Variants in CPNE4 observed in about 807,000 individuals in gnomAD.
CPNE4 encodes the protein copine-4.
A neutral mutation model predicts 67.9 loss-of-function variants in CPNE4; 25 were observed. The ratio of observed to expected loss-of-function variants is 0.37; its 90% CI spans 0.27 to 0.51. CPNE4 has a LOEUF of 0.51. CPNE4 is among the 20% of genes least tolerant of loss of function. CPNE4 has a pLI of 0.93. For synonymous variants in CPNE4, 242 were observed against 244.9 expected, an observed-to-expected ratio of 0.99 and a Z score of 0.11; for missense variants, 464 against 690.8, an observed-to-expected ratio of 0.67 and a Z score of 3.68.
chr3:131,686,409 C>T (rs2080890899), intron 5 of CPNE4, among the ~76,000 whole-genome samples: 1 of 152,166 alleles, frequency 6.6e-6, no homozygotes, highest in Non-Finnish European at 1.5e-5. Flanking sequence ...TTATCTCTTT[C>T]TTAGTTCCAC....
intron 2 of CPNE4, among the ~76,000 whole-genome samples, chr3:131,764,103 C>T (rs1225589035): frequency 1.3e-5 from 2 of 151,988 alleles, no homozygotes; most frequent in African/African-American, 4.8e-5. Flanking sequence ...AATGTCTGAC[C>T]AGGCATTTGA....
chr3:131,977,420 G>C (rs772720482), intron 1 of CPNE4, among the ~76,000 whole-genome samples: 6 of 152,054 alleles, frequency 3.9e-5, no homozygotes, highest in Admixed American at 3.9e-4. Context: ...AGTAGCACAG[G>C]ATAAGAGACA....
intron 2 of CPNE4, among the ~76,000 whole-genome samples, chr3:131,786,914 T>A (rs1452257350): frequency 6.6e-6 from 1 of 152,190 alleles, no homozygotes; most frequent in Admixed American, 6.6e-5. Flanking sequence ...AATGATGCTA[T>A]CCTTCTACAA....
chr3:131,907,618 C>A (rs866356762), intron 1 of CPNE4, among the ~76,000 whole-genome samples: 1 of 152,012 alleles, frequency 6.6e-6, no homozygotes. Flanking sequence ...CTCCTGCACA[C>A]CAATAGCGTT....
At chr3:131,785,680 TCTC>T (rs1275347939) in intron 2 of CPNE4, among the ~76,000 whole-genome samples, 3 of 146,344 alleles carry the variant, frequency 2.0e-5, no homozygotes, top group African/African-American at 7.4e-5. Context: ...TTTCTCTCTC[TCTC>T]TCTCTCTCTC....
intron 2 of CPNE4, among the ~76,000 whole-genome samples, chr3:131,849,651 AG>A (rs751374754): frequency 6.6e-6 from 1 of 152,132 alleles, no homozygotes; most frequent in Non-Finnish European, 1.5e-5. Flanking sequence ...GTCAATTCTG[AG>A]CCCAAGCCTT....
At chr3:131,803,080 A>G (rs184434366) in intron 2 of CPNE4, among the ~76,000 whole-genome samples, 87 of 152,332 alleles carry the variant, frequency 5.7e-4, no homozygotes, top group South Asian at 1.5e-3. Flanking sequence ...GAAAGGTTAC[A>G]AAAATAAATA....
chr3:131,956,904 T>C (rs921216022), intron 1 of CPNE4, among the ~76,000 whole-genome samples: 3 of 152,346 alleles, frequency 2.0e-5, no homozygotes, highest in African/African-American at 7.2e-5. Context: ...ATATTCTTCA[T>C]TAAATTTGTA....
intron 1 of CPNE4, among the ~76,000 whole-genome samples, chr3:131,926,171 T>G (rs1164591154): frequency 6.6e-6 from 1 of 151,988 alleles, no homozygotes. Flanking sequence ...AAGAGGCAGG[T>G]GTGAGTCAGA....
chr3:131,947,008 G>C (rs2071570295), intron 1 of CPNE4, among the ~76,000 whole-genome samples: 1 of 152,136 alleles, frequency 6.6e-6, no homozygotes, highest in African/African-American at 2.4e-5. Flanking sequence ...GAATCAATTG[G>C]TCATAGAAAG....
chr3:131,887,657 TA>T (rs2087949168), intron 2 of CPNE4, among the ~76,000 whole-genome samples: 1 of 152,228 alleles, frequency 6.6e-6, no homozygotes, highest in Non-Finnish European at 1.5e-5. Context: ...ATGCATTTCC[TA>T]AGTTTAATGT....
At chr3:131,971,504 G>A (rs775286586) in intron 1 of CPNE4, among the ~76,000 whole-genome samples, 3 of 152,090 alleles carry the variant, frequency 2.0e-5, no homozygotes, top group South Asian at 2.1e-4. Flanking sequence ...CAGTCACTAC[G>A]TTAACATTTA....
At chr3:131,573,256 A>G (rs938076868) in intron 10 of CPNE4, among the ~76,000 whole-genome samples, 1 of 152,056 alleles carries the variant, frequency 6.6e-6, no homozygotes, top group Non-Finnish European at 1.5e-5. Flanking sequence ...TCCTTGCTCC[A>G]GACTGCTCTC....
intron 7 of CPNE4, among the ~76,000 whole-genome samples, chr3:131,608,271 A>T (rs2107736366): frequency 6.6e-6 from 1 of 152,296 alleles, no homozygotes; most frequent in African/African-American, 2.4e-5. Context: ...AGTCAGTTCA[A>T]ATAAACCAAC....
chr3:131,552,319 AG>A, intron 13 of CPNE4, 120 bp downstream of exon 13: 1 of 830,124 alleles, frequency 1.2e-6, no homozygotes, highest in Non-Finnish European at 2.0e-6. Flanking sequence ...ATGTTGATAC[AG>A]AAAGCAGAGA....
intron 14 of CPNE4, 37 bp from the exon 15 acceptor site, chr3:131,542,830 A>G (rs1406530721): frequency 2.4e-5 from 35 of 1,437,722 alleles, no homozygotes; most frequent in Non-Finnish European, 3.0e-5. Flanking sequence ...GGGGGGGGTG[A>G]AGAGGTGAGG....
At chr3:131,651,071 G>C (rs559920823) in intron 7 of CPNE4, among the ~76,000 whole-genome samples, 8 of 152,090 alleles carry the variant, frequency 5.3e-5, no homozygotes, top group Non-Finnish European at 8.8e-5. Context: ...AAAATGTTGA[G>C]GAAAGCATTA....
chr3:131,553,654 A>G (rs1163729630), intron 12 of CPNE4, among the ~76,000 whole-genome samples: 1 of 152,062 alleles, frequency 6.6e-6, no homozygotes, highest in Non-Finnish European at 1.5e-5. Flanking sequence ...CCCAACCTCT[A>G]TTGTGGTTTC....
chr3:131,743,612 A>G (rs1037459199), intron 2 of CPNE4, among the ~76,000 whole-genome samples: 2 of 152,208 alleles, frequency 1.3e-5, no homozygotes, highest in Admixed American at 1.3e-4. Context: ...AAATATCAGG[A>G]AATTCATCAA....
Sources: allele counts gnomAD v4.1 joint callset (sites outside exome capture counted in the v4.1 genomes callset), GRCh38; gene constraint gnomAD v4.1.1; transcripts MANE v1.5; gene names NCBI Gene and HGNC (gene_info 2026-07-23, HGNC 2026-07-21).